The following C4orf50 variants were observed in gnomAD, a reference collection of about 807,000 sequenced individuals.
The protein encoded by C4orf50 is chromosome 4 open reading frame 50, also known as uncharacterized protein C4orf50.
A neutral mutation model predicts 77.2 loss-of-function variants in C4orf50; 80 were observed. That is an observed-to-expected ratio of 1.04 (90% confidence interval 0.87 to 1.25). The LOEUF (loss-of-function observed/expected upper bound fraction) is 1.25, where lower values mean the gene tolerates loss of function less well. Among genes scored for constraint, C4orf50 ranks in the 50% most tolerant of loss-of-function variants. C4orf50 has a pLI of 0.00. For missense variants in C4orf50, 1,257 were observed against 1,152.9 expected (o/e 1.09, Z -1.31); for synonymous variants, 532 against 465.3 (o/e 1.14, Z -1.84).
rs1311190275 is a variant in C4orf50 at position 5,916,971 on chromosome 4, GA to G, written c.*2475-18784del. 2.0e-5 allele frequency among the ~76,000 whole-genome samples: 3 copies of G among 152,210 alleles called. No homozygotes were observed. The highest frequency in any genetic ancestry group is 7.2e-5 in the African/African-American group (3 of 41,458). ...GGAAATCCAGAGCTGGCTTTCCCTA[GA>G]AGTTGGAAGTTTCCCTGGTTCGACA... On this transcript the variant is annotated intron_variant, in intron 7 of 7. Transcript: ENST00000324058. This position sits in a 1 kb window ranked among gnomAD's most constrained non-coding sequence, Gnocchi z 4.4.
chr4:5,990,578 G>T (rs1047502401), exon 28 of C4orf50: 2 of 399,070 alleles, frequency 5.0e-6, no homozygotes, highest in East Asian at 3.6e-5. Flanking sequence ...TGGATTTTTT[G>T]TCCATCTGAG....
At chr4:5,979,874 G>A (rs928895729) in intron 29 of C4orf50, among the ~76,000 whole-genome samples, 8 of 152,178 alleles carry the variant, frequency 5.3e-5, no homozygotes, top group African/African-American at 7.2e-5. Flanking sequence ...TCATAGTCAC[G>A]CCTACTTCCC....
exon 28 of C4orf50, chr4:5,988,988 C>T: frequency 6.5e-7 from 1 of 1,536,074 alleles, no homozygotes; most frequent in Non-Finnish European, 8.7e-7. Context: ...GTTTCATTTT[C>T]CTCTTCAAGC....
intron 7 of C4orf50, among the ~76,000 whole-genome samples, chr4:5,924,239 C>T (rs935783929): frequency 8.5e-5 from 13 of 152,294 alleles, no homozygotes; most frequent in Admixed American, 5.9e-4. Flanking sequence ...TTCATATATG[C>T]ATCTATCCTA....
chr4:5,983,374 C>T (rs1242861234), intron 28 of C4orf50, among the ~76,000 whole-genome samples: 1 of 152,200 alleles, frequency 6.6e-6, no homozygotes, highest in Non-Finnish European at 1.5e-5. Context: ...CCTTCCTTGC[C>T]CATTGGAATC....
intron 32 of C4orf50, among the ~76,000 whole-genome samples, chr4:5,967,050 A>T (rs148459206): frequency 6.6e-6 from 1 of 152,206 alleles, no homozygotes; most frequent in East Asian, 1.9e-4. Flanking sequence ...TTCACTGATT[A>T]TATGGGTTCA....
At chr4:6,004,306 G>GAT (rs1722105780) in intron 25 of C4orf50, among the ~76,000 whole-genome samples, 1 of 73,974 alleles carries the variant, frequency 1.4e-5, no homozygotes. Flanking sequence ...TGGTGATGGT[G>GAT]GTGATGATGT....
At chr4:5,939,187 G>C (rs528828420) in intron 7 of C4orf50, among the ~76,000 whole-genome samples, 21 of 152,148 alleles carry the variant, frequency 1.4e-4, no homozygotes, top group African/African-American at 5.1e-4. Flanking sequence ...AGGTTGCAGT[G>C]AGCCGAGATC....
intron 33 of C4orf50, 101 bp from the exon 12 acceptor site, chr4:5,959,727 A>G: frequency 7.0e-7 from 1 of 1,421,096 alleles, no homozygotes; most frequent in Non-Finnish European, 9.4e-7. Flanking sequence ...AGTGATAGCT[A>G]ACGGTTTCGG....
At chr4:5,965,929 C>G (rs1241851673) in intron 32 of C4orf50, among the ~76,000 whole-genome samples, 1 of 152,188 alleles carries the variant, frequency 6.6e-6, no homozygotes, top group Non-Finnish European at 1.5e-5. Context: ...ATGAACAGAT[C>G]TCAATAGCAG....
At chr4:5,977,554 G>A (rs1452473623) in intron 29 of C4orf50, among the ~76,000 whole-genome samples, 1 of 152,104 alleles carries the variant, frequency 6.6e-6, no homozygotes, top group East Asian at 1.9e-4. Context: ...AAGCTTGCAT[G>A]TTATTTAATT....
downstream of C4orf50, among the ~76,000 whole-genome samples, chr4:5,954,833 A>G (rs1718881651): frequency 6.6e-6 from 1 of 152,294 alleles, no homozygotes; most frequent in East Asian, 1.9e-4. This position sits in a 1 kb window ranked among gnomAD's most constrained non-coding sequence, Gnocchi z 4.7. Flanking sequence ...GAAAAGACAG[A>G]CCAGTGGAAA....
chr4:5,963,810 T>C (rs1719400868), intron 33 of C4orf50, among the ~76,000 whole-genome samples: 1 of 152,214 alleles, frequency 6.6e-6, no homozygotes, highest in South Asian at 2.1e-4. Flanking sequence ...GCAGCCGCAT[T>C]TCACAGCTGA....
intron 7 of C4orf50, among the ~76,000 whole-genome samples, chr4:5,947,607 A>T (rs1321546859): frequency 6.6e-6 from 1 of 152,104 alleles, no homozygotes; most frequent in Non-Finnish European, 1.5e-5. Flanking sequence ...GACTGGTGAG[A>T]GGCAGAGGCA....
At chr4:5,971,329 C>T (rs920803215) in intron 31 of C4orf50, among the ~76,000 whole-genome samples, 1 of 152,242 alleles carries the variant, frequency 6.6e-6, no homozygotes, top group African/African-American at 2.4e-5. Flanking sequence ...CAGCGCCACG[C>T]CCACCCTGCT....
At chr4:6,012,051 A>ATTATTATTAT (rs1722517627) in intron 23 of C4orf50, 83 bp from the exon 2 acceptor site, 1 of 398,386 alleles carries the variant, frequency 2.5e-6, no homozygotes, top group African/African-American at 2.1e-5. Context: ...GGGCCAAATT[A>ATTATTATTAT]TTATTATTAT....
intron 7 of C4orf50, among the ~76,000 whole-genome samples, chr4:5,906,927 G>A (rs1186601934): frequency 6.6e-6 from 1 of 152,166 alleles, no homozygotes; most frequent in African/African-American, 2.4e-5. Context: ...AGAATCACTT[G>A]GAGAACTTTA....
chr4:5,929,404 A>G (rs1419120159), intron 7 of C4orf50, among the ~76,000 whole-genome samples: 4 of 152,132 alleles, frequency 2.6e-5, no homozygotes, highest in Non-Finnish European at 4.4e-5. Flanking sequence ...GCCAGAATTT[A>G]CATTTTGTTT....
chr4:5,973,553 G>A lies in C4orf50; in HGVS notation c.4104+106C>T. 5.3e-6 allele frequency: 5 copies of A among 938,772 alleles called. No homozygotes were observed. The Admixed American group carries it at 1.1e-4, about 20-fold the overall frequency. 58.2% of individuals were successfully genotyped at this position (938,772 alleles called of 1,614,324 possible). A position where few individuals can be genotyped will look rare whatever the true frequency, so the allele number is the denominator to read the frequency against. On this transcript the variant is annotated intron_variant, in intron 31 of 33. Coordinates refer to ENST00000531445, the Ensembl canonical transcript of C4orf50. ...GTCTTCTTGGGTAGTGTCCGCGGTGGGAGGGAGGGAGGAAAGGAGGGGCTG... is the reference window on the plus strand; with the variant it reads ...GTCTTCTTGGGTAGTGTCCGCGGTGAGAGGGAGGGAGGAAAGGAGGGGCTG...
Sources: allele counts gnomAD v4.1 joint callset (sites outside exome capture counted in the v4.1 genomes callset), GRCh38; gene constraint gnomAD v4.1.1; non-coding constraint Gnocchi (gnomAD v3.1); transcripts MANE v1.5; gene names NCBI Gene and HGNC (gene_info 2026-07-23, HGNC 2026-07-21).